TRAF2: variants seen among roughly 807,000 people sequenced by gnomAD.
The protein encoded by TRAF2 is TNF receptor associated factor 2, also known as TNF receptor-associated factor 2.
TRAF2 carries 6 observed loss-of-function variants against 55.6 expected under a neutral mutation model. That is an observed-to-expected ratio of 0.11 (90% confidence interval 0.06 to 0.21). The LOEUF (loss-of-function observed/expected upper bound fraction) is 0.21, where lower values mean the gene tolerates loss of function less well. Ranked by LOEUF, TRAF2 falls within the 10% of genes least tolerant of loss-of-function variation. TRAF2 has a pLI of 1.00. For synonymous variants in TRAF2, 329 were observed against 276.3 expected (o/e 1.19, Z -1.89); for missense variants, 561 against 684.5 (o/e 0.82, Z 2.01).
chr9:136,909,930 A>G lies in TRAF2; in HGVS notation c.539A>G (p.Glu180Gly). ...CCGADVKAHH[E>G]VCPKFPLTCD... ...TCCCTTCTTTTGAAGGCGCACCACG[A>G]GGTCTGCCCCAAGTTCCCCTTAACT... is the stretch of plus-strand genomic sequence containing the variant. Residue 180 changes from glutamate (E) to glycine (G), a missense_variant, in exon 6 of 11, where the codon GAG becomes GGG. Coordinates refer to ENST00000247668, the MANE Select transcript of TRAF2 (RefSeq NM_021138.4). 6.2e-7 allele frequency: 1 copy of G among 1,614,152 alleles called. No individual in the cohort carries two copies. The highest frequency in any genetic ancestry group is 2.2e-5 in the East Asian group (1 of 44,878).
Position 136,925,711 on chromosome 9 carries a change from A to G in TRAF2, c.1316A>G (p.Asn439Ser). The G allele has an allele frequency of 6.2e-7, 1 of 1,614,148 alleles. No homozygotes were observed. The highest frequency in any genetic ancestry group is 8.5e-7 in the Non-Finnish European group (1 of 1,180,040). Residue 439 changes from asparagine to serine, a missense_variant, in exon 11 of 11, where the codon AAC becomes AGC. This residue lies in a region of TRAF2 where 135 missense variants were observed against 207.7 expected (regional missense o/e 0.65). Transcript: ENST00000247668. ...ACCTTAATGCTGCTCGACCAGAATA[A>G]CCGGGAGCACGTGATTGACGCCTTC... ...KVTLMLLDQN[N>S]REHVIDAFRP...
chr9:136,899,024 C>A (rs988520759), intron 2 of TRAF2, 96 bp downstream of exon 2: 2 of 1,303,626 alleles, frequency 1.5e-6, no homozygotes, highest in African/African-American at 1.5e-5. Context: ...AGAGCCGGGT[C>A]CAGCTTAGAT....
upstream of TRAF2, among the ~76,000 whole-genome samples, chr9:136,884,436 G>C (rs573169471): frequency 1.1e-3 from 163 of 152,096 alleles, no homozygotes; most frequent in African/African-American, 3.3e-3. Flanking sequence ...GGTGTGCGCC[G>C]GTAGTCCCAG....
chr9:136,909,787 T>A, intron 5 of TRAF2, 133 bp from the exon 6 acceptor site: 1 of 831,434 alleles, frequency 1.2e-6, no homozygotes, highest in Non-Finnish European at 2.0e-6. Context: ...AGGAGCACTG[T>A]CCTTCGAGGC....
chr9:136,886,426 C>G, upstream of TRAF2: 12 of 999,808 alleles, frequency 1.2e-5, no homozygotes, highest in Middle Eastern at 5.8e-4. Context: ...TGAGGGCTGG[C>G]TGGTTGGCTC....
In TRAF2 at chr9:136,926,279, A is replaced by G. The variant is rs1225526303; in HGVS notation, c.*378A>G. Reference sequence around the variant, plus strand: ...TGCCCATGTAGCAGGAGCACAGTGGATGGCCTTGTGTCCCTCGGGCATGAC... The same window carrying G: ...TGCCCATGTAGCAGGAGCACAGTGGGTGGCCTTGTGTCCCTCGGGCATGAC... On this transcript the variant is annotated 3_prime_UTR_variant, in exon 11 of 11. Coordinates refer to ENST00000247668, the MANE Select transcript of TRAF2 (RefSeq NM_021138.4). 1 of 377,298 alleles carries G rather than the reference A, an allele frequency of 2.7e-6. No individual in the cohort carries two copies. The highest frequency in any genetic ancestry group is 5.2e-6 in the Non-Finnish European group (1 of 193,532). The allele number at this position is 377,298 out of a possible 1,614,324, so 23.4% of individuals were successfully genotyped here. A position where few individuals can be genotyped will look rare whatever the true frequency, so the allele number is the denominator to read the frequency against.
chr9:136,905,955 A>AT (rs1849938871), intron 4 of TRAF2, among the ~76,000 whole-genome samples: 2 of 152,220 alleles, frequency 1.3e-5, no homozygotes, highest in Non-Finnish European at 2.9e-5. Context: ...ATACAAAAAA[A>AT]TTAGCCGGGT....
intron 2 of TRAF2, among the ~76,000 whole-genome samples, chr9:136,899,240 G>A (rs1849758476): frequency 6.6e-6 from 1 of 152,184 alleles, no homozygotes; most frequent in Non-Finnish European, 1.5e-5. Flanking sequence ...CTTTTTGGCT[G>A]CTCTAGGCAG....
chr9:136,908,162 G>A lies in TRAF2; in HGVS notation c.459G>A (p.Glu153=), dbSNP rs1413306993. ...TTGGTGAAAAGGAGCGCCACCTGGA[G>A]CACGAGTGCCCGGAGAGAAGCCTGA... ...VRLGEKERHL[E]HECPERSLSC... is the part of the protein sequence containing the mutation. Residue 153 remains glutamate, a synonymous_variant, in exon 5 of 11, where the codon GAG becomes GAA. Transcript: ENST00000247668. 5.0e-6 allele frequency: 8 copies of A among 1,603,086 alleles called. No homozygotes were observed. The highest frequency in any genetic ancestry group is 1.7e-5 in the Admixed American group (1 of 59,996).
At chr9:136,895,190 T>C (rs1849654881) in intron 1 of TRAF2, among the ~76,000 whole-genome samples, 2 of 152,144 alleles carry the variant, frequency 1.3e-5, no homozygotes, top group Non-Finnish European at 2.9e-5. Flanking sequence ...CCCTTTCAGG[T>C]GAGCAGCTCT....
intron 6 of TRAF2, among the ~76,000 whole-genome samples, chr9:136,913,136 C>T (rs1182661430): frequency 6.6e-6 from 1 of 151,966 alleles, no homozygotes; most frequent in Non-Finnish European, 1.5e-5. Context: ...GAGTGAAACT[C>T]CATCTCAAAA....
chr9:136,886,147 G>A (rs757273137), upstream of TRAF2: 24 of 153,114 alleles, frequency 1.6e-4, no homozygotes, highest in Non-Finnish European at 2.5e-4. Flanking sequence ...GGGAGGGGAA[G>A]CAAGGGCCTC....
At chr9:136,924,984 A>G (rs558782791) in intron 10 of TRAF2, among the ~76,000 whole-genome samples, 41 of 152,238 alleles carry the variant, frequency 2.7e-4, no homozygotes, top group East Asian at 1.2e-3. Flanking sequence ...TGATCCGCCC[A>G]CCTTGGCCTC....
At chr9:136,910,410 A>G (rs1012794426) in intron 6 of TRAF2, among the ~76,000 whole-genome samples, 1 of 152,170 alleles carries the variant, frequency 6.6e-6, no homozygotes, top group African/African-American at 2.4e-5. Context: ...CAGCCGTGAA[A>G]TGTGGGTGGC....
chr9:136,923,482 G>A (rs1020938733), intron 9 of TRAF2, among the ~76,000 whole-genome samples: 12 of 151,990 alleles, frequency 7.9e-5, no homozygotes, highest in Admixed American at 3.9e-4. Context: ...GTGGTGTCGA[G>A]CGTCTGTAAT....
At chr9:136,888,674 G>A (rs1849508060) in intron 1 of TRAF2, among the ~76,000 whole-genome samples, 3 of 152,212 alleles carry the variant, frequency 2.0e-5, no homozygotes, top group African/African-American at 7.2e-5. Flanking sequence ...GGCAGTGTTT[G>A]ACTTGTGTAA....
intron 5 of TRAF2, among the ~76,000 whole-genome samples, 166 bp downstream of exon 5, chr9:136,908,397 T>C (rs1192876627): frequency 6.6e-6 from 1 of 152,208 alleles, no homozygotes; most frequent in Admixed American, 6.5e-5. Context: ...GAACTGGGAA[T>C]GGGTGTGAAG....
rs928929107 is a variant in TRAF2, at chr9:136,923,629, A to C, written c.1139-223A>C. On this transcript the variant is annotated intron_variant, in intron 9 of 10. Transcript: ENST00000247668. ...CCATCTCAAAAAAAAAAAAAAAAAA[A>C]AAAAAACTTTTTCTAAGTACTACCT... is the stretch of plus-strand genomic sequence containing the variant. Among the ~76,000 whole-genome samples the C allele has an allele frequency of 6.6e-5, 10 of 151,532 alleles. No homozygotes were observed. The East Asian group carries it at 1.3e-3, about 20-fold the overall frequency.
At chr9:136,882,500 T>G (rs1417978587), upstream of TRAF2, among the ~76,000 whole-genome samples, 1 of 152,224 alleles carries the variant, frequency 6.6e-6, no homozygotes, top group African/African-American at 2.4e-5. Flanking sequence ...AGCAGCTGCA[T>G]GTGTCCATCT....
Sources: gnomAD v4.1 joint callset for allele counts (sites outside exome capture counted in the v4.1 genomes callset) on GRCh38, gnomAD v4.1.1 for gene constraint, gnomAD v4.1.1 regional missense constraint, MANE v1.5 for transcripts, NCBI Gene and HGNC (gene_info 2026-07-23, HGNC 2026-07-21) for gene names.